The following SLC38A1 variants were observed in gnomAD, a reference collection of about 807,000 sequenced individuals.
SLC38A1 encodes the protein solute carrier family 38 member 1, also known as sodium-coupled neutral amino acid symporter 1.
In SLC38A1, 18 loss-of-function variants were observed where a neutral mutation model predicts 60.3. The observed-to-expected ratio is 0.30, with a 90% confidence interval of 0.21 to 0.44. The LOEUF (loss-of-function observed/expected upper bound fraction) is 0.44. Among genes scored for constraint, SLC38A1 ranks in the 20% least tolerant of loss-of-function variants. SLC38A1 has a pLI of 1.00. For synonymous variants in SLC38A1, 196 were observed against 212.1 expected (o/e 0.92, Z 0.66); for missense variants, 448 against 587.2 (o/e 0.76, Z 2.45).
At chr12:46,233,696 A>G (rs1444130907) in intron 3 of SLC38A1, among the ~76,000 whole-genome samples, 1 of 152,242 alleles carries the variant, frequency 6.6e-6, no homozygotes, top group Non-Finnish European at 1.5e-5. Context: ...TAATGAGAAT[A>G]ATGATACTGA....
Position 46,204,229 on chromosome 12 carries a change from A to G in SLC38A1, c.822+72T>C, listed in dbSNP as rs139203521. 2.5e-5 allele frequency: 24 copies of G among 955,830 alleles called. 2 individuals are homozygous for G. In the African/African-American group the frequency reaches 3.9e-4, roughly 15 times the overall value. The allele number at this position is 955,830 out of a possible 1,614,324, so 59.2% of individuals were successfully genotyped here. A position where few individuals can be genotyped will look rare whatever the true frequency, so the allele number is the denominator to read the frequency against. ...GAACTAATACATTCAAACCAGTGCAATTACAAGCATGAGAAATAGAATGTC... is the reference window on the plus strand; with the variant it reads ...GAACTAATACATTCAAACCAGTGCAGTTACAAGCATGAGAAATAGAATGTC... On this transcript the variant is annotated intron_variant, in intron 11 of 16. Transcript: ENST00000398637.
intron 5 of SLC38A1, among the ~76,000 whole-genome samples, chr12:46,224,594 G>T (rs1167992013): frequency 2.0e-5 from 3 of 152,130 alleles, no homozygotes; most frequent in African/African-American, 7.2e-5. Context: ...TTCCTGTGTT[G>T]GCCAATGTGA....
At chr12:46,258,419 G>A (rs376627815) in intron 1 of SLC38A1, among the ~76,000 whole-genome samples, 18 of 152,070 alleles carry the variant, frequency 1.2e-4, no homozygotes, top group South Asian at 2.1e-4. Context: ...TCCTGGGGAC[G>A]AGACCCAAGT....
Position 46,207,611 on chromosome 12 carries a change from C to T in SLC38A1, c.399G>A (p.Val133=), listed in dbSNP as rs373684420. The change falls in exon 7 of 17, where the codon GTG becomes GTA. Residue 133 remains valine, a synonymous_variant. Transcript: ENST00000398637. ...LICSKETGCM[V]YEKLGEQVFG... ...AGACTTGTTCCCCCAGCTTTTCATA[C>T]ACCATGCAGCCTATTTAAAAATCAA... 3.2e-5 allele frequency: 52 copies of T among 1,613,830 alleles called. No homozygotes were observed. Among genetic ancestry groups the T allele is most frequent in the South Asian group, 1.1e-4 (10 of 91,076 alleles).
chr12:46,223,024 G>A (rs1940720484), intron 5 of SLC38A1, among the ~76,000 whole-genome samples: 1 of 152,128 alleles, frequency 6.6e-6, no homozygotes, highest in South Asian at 2.1e-4. Context: ...ATATTGGAAA[G>A]TAAAAGGTAA....
chr12:46,234,314 T>C (rs940480925), intron 3 of SLC38A1, among the ~76,000 whole-genome samples: 1 of 152,334 alleles, frequency 6.6e-6, no homozygotes, highest in East Asian at 1.9e-4. Context: ...AGGGAGTAGC[T>C]TAAGCTGGAG....
chr12:46,229,870 C>A (rs1413814947), intron 3 of SLC38A1, among the ~76,000 whole-genome samples: 2 of 152,182 alleles, frequency 1.3e-5, no homozygotes, highest in African/African-American at 4.8e-5. Flanking sequence ...CAAGGGCAGG[C>A]ACTTTGCCTC....
chr12:46,232,823 C>T (rs1310858343), intron 3 of SLC38A1, among the ~76,000 whole-genome samples: 1 of 152,134 alleles, frequency 6.6e-6, no homozygotes, highest in African/African-American at 2.4e-5. Flanking sequence ...TAAGTCATCT[C>T]TAGACTACTT....
rs1188855404 is a variant in SLC38A1 at position 46,186,880 on chromosome 12, G to A, written c.*2090C>T. ...TAATATAGCTTGCAAACTAAATTAT[G>A]TATTTTTAAAGGTACAGTCATCCCA... On this transcript the variant is annotated 3_prime_UTR_variant, in exon 17 of 17. Transcript: ENST00000398637. 1 of 152,182 alleles carries A rather than the reference G, an allele frequency of 6.6e-6. No homozygotes were observed. The highest frequency in any genetic ancestry group is 2.4e-5 in the African/African-American group (1 of 41,452). The allele number at this position is 152,182 out of a possible 1,614,324, so 9.4% of individuals were successfully genotyped here.
intron 3 of SLC38A1, among the ~76,000 whole-genome samples, chr12:46,234,016 T>C (rs1045561863): frequency 6.6e-6 from 1 of 152,222 alleles, no homozygotes; most frequent in Non-Finnish European, 1.5e-5. Flanking sequence ...AAGATGGCAG[T>C]AGGAATTCAC....
At chr12:46,190,094 C>A (rs1196778942) in intron 16 of SLC38A1, among the ~76,000 whole-genome samples, 3 of 152,156 alleles carry the variant, frequency 2.0e-5, no homozygotes, top group Non-Finnish European at 2.9e-5. Flanking sequence ...CCGGGCCCCC[C>A]ACCCCACGAC....
rs1160453763 is a variant in SLC38A1, at chr12:46,198,761, C to A, written c.1004-18G>T. 1 of 1,517,254 alleles carries A rather than the reference C, an allele frequency of 6.6e-7. No homozygotes were observed. The highest frequency in any genetic ancestry group is 9.0e-7 in the Non-Finnish European group (1 of 1,105,306). 94.0% of individuals were successfully genotyped at this position (1,517,254 alleles called of 1,614,324 possible). A position where few individuals can be genotyped will look rare whatever the true frequency, so the allele number is the denominator to read the frequency against. On this transcript the variant is annotated intron_variant, in intron 13 of 16. Transcript: ENST00000398637. ...CACGTTGTCTAAAATGAGGGAAAAG[C>A]AAGAGGGTTTTAAAAGGAGACAAAG...
At position 46,203,108 on chromosome 12, in the gene SLC38A1, T is replaced by A; in HGVS notation, c.823-19A>T. 1 of 1,602,772 alleles carries A rather than the reference T, an allele frequency of 6.2e-7. No individual in the cohort carries two copies. Among genetic ancestry groups the A allele is most frequent in the Non-Finnish European group, 8.5e-7 (1 of 1,172,012 alleles). ...ACACGGTCTATTTGAGAGAAAAGAA[T>A]AGACATTAGGAAAAACACTTTTACC... On this transcript the variant is annotated intron_variant, in intron 11 of 16. Transcript: ENST00000398637.
chr12:46,248,831 A>C (rs991499717), intron 1 of SLC38A1, among the ~76,000 whole-genome samples: 2 of 152,188 alleles, frequency 1.3e-5, no homozygotes, highest in African/African-American at 4.8e-5. Flanking sequence ...CTCTCAGACC[A>C]CAGTGCAATC....
Position 46,226,889 on chromosome 12 carries a change from G to A in SLC38A1, c.314+2264C>T, listed in dbSNP as rs775440530. On this transcript the variant is annotated intron_variant, in intron 5 of 16. Transcript: ENST00000398637. Reference sequence around the variant, plus strand: ...CCGGCCTCAGCCTCCCAAAGTGCTGGGATTATAGGCATGAGCCACTGTGCC... The same window carrying A: ...CCGGCCTCAGCCTCCCAAAGTGCTGAGATTATAGGCATGAGCCACTGTGCC... Among the ~76,000 whole-genome samples, 9 of 152,196 alleles carry A rather than the reference G, an allele frequency of 5.9e-5. No individual in the cohort carries two copies. In the South Asian group the frequency reaches 1.9e-3, roughly 32 times the overall value.
intron 1 of SLC38A1, among the ~76,000 whole-genome samples, chr12:46,246,766 G>T (rs1941634242): frequency 6.6e-6 from 1 of 152,208 alleles, no homozygotes; most frequent in Non-Finnish European, 1.5e-5. Flanking sequence ...GGGGCTGACT[G>T]ACACCTCATA....
intron 5 of SLC38A1, among the ~76,000 whole-genome samples, chr12:46,209,968 C>T (rs369529256): frequency 4.6e-5 from 7 of 152,196 alleles, no homozygotes; most frequent in East Asian, 1.9e-4. Flanking sequence ...CAGATGAAAC[C>T]GCTCACTTCC....
At chr12:46,236,281 T>C (rs1375602006) in intron 3 of SLC38A1, among the ~76,000 whole-genome samples, 1 of 152,174 alleles carries the variant, frequency 6.6e-6, no homozygotes, top group African/African-American at 2.4e-5. Flanking sequence ...CCTTGAGCAG[T>C]AGGATATAAA....
chr12:46,205,628 G>A (rs867645430), intron 9 of SLC38A1, among the ~76,000 whole-genome samples: 3 of 152,120 alleles, frequency 2.0e-5, no homozygotes, highest in Non-Finnish European at 4.4e-5. Context: ...CTCCCACTTC[G>A]AAGAGAAATA....
Sources: allele counts gnomAD v4.1 joint callset (sites outside exome capture counted in the v4.1 genomes callset), GRCh38; gene constraint gnomAD v4.1.1; transcripts MANE v1.5; gene names NCBI Gene and HGNC (gene_info 2026-07-23, HGNC 2026-07-21).